CTNND2: variants seen among roughly 807,000 people sequenced by gnomAD.
CTNND2 encodes the protein catenin delta-2.
CTNND2 carries 22 observed loss-of-function variants against 144.4 expected under a neutral mutation model. The ratio of observed to expected loss-of-function variants is 0.15; its 90% CI spans 0.11 to 0.22. CTNND2 has a LOEUF of 0.22. Ranked by LOEUF, CTNND2 falls within the 10% of genes least tolerant of loss-of-function variation. The pLI, the probability that CTNND2 is intolerant of heterozygous loss-of-function variation, is 1.00. For missense variants in CTNND2, 1,353 were observed against 1,618.8 expected (o/e 0.84, Z 2.82); for synonymous variants, 751 against 695.6 (o/e 1.08, Z -1.25).
At chr5:11,016,059 T>C (rs1249147481) in intron 18 of CTNND2, among the ~76,000 whole-genome samples, 2 of 152,218 alleles carry the variant, frequency 1.3e-5, no homozygotes, top group African/African-American at 4.8e-5. Context: ...TCCACTAATA[T>C]GCAGATTTTT....
intron 1 of CTNND2, among the ~76,000 whole-genome samples, chr5:11,800,925 C>A (rs968028490): frequency 6.6e-6 from 1 of 152,264 alleles, no homozygotes; most frequent in African/African-American, 2.4e-5. Flanking sequence ...TGTTAAGTAG[C>A]AGTAACATGC....
intron 5 of CTNND2, among the ~76,000 whole-genome samples, chr5:11,404,195 GC>G (rs1404952389): frequency 6.6e-6 from 1 of 152,206 alleles, no homozygotes; most frequent in African/African-American, 2.4e-5. Context: ...GAATGGGAAA[GC>G]AAGTATCTCT....
In CTNND2 at chr5:11,131,770, T is replaced by C. The variant is rs376444312; in HGVS notation, c.2160-14203A>G. ...CACCATTGCACTCCAGCCTGGGCGA[T>C]AGAGCGAGACTGCGTCTCAAAAAAA... On this transcript the variant is annotated intron_variant, in intron 12 of 21. Transcript: ENST00000304623. 1.2e-4 allele frequency among the ~76,000 whole-genome samples: 19 copies of C among 152,008 alleles called. No individual in the cohort carries two copies. In the South Asian group the frequency reaches 2.3e-3, roughly 18 times the overall value.
At chr5:11,140,237 A>T (rs1254183843) in intron 12 of CTNND2, among the ~76,000 whole-genome samples, 2 of 152,208 alleles carry the variant, frequency 1.3e-5, no homozygotes, top group Non-Finnish European at 2.9e-5. Context: ...ACCCAAAGAA[A>T]ACATGACAAT....
intron 3 of CTNND2, among the ~76,000 whole-genome samples, chr5:11,509,510 G>T (rs1040966034): frequency 6.6e-6 from 1 of 152,120 alleles, no homozygotes; most frequent in South Asian, 2.1e-4. Flanking sequence ...GAAAGTAGGA[G>T]GGTTAAAGAG....
intron 3 of CTNND2, among the ~76,000 whole-genome samples, chr5:11,417,409 C>T (rs77628173): frequency 0.04 from 6,058 of 152,152 alleles, 403 homozygotes; most frequent in African/African-American, 0.14. Flanking sequence ...ATTTGCAAGG[C>T]ATATAACTTA....
intron 8 of CTNND2, among the ~76,000 whole-genome samples, chr5:11,350,115 T>C (rs1755177086): frequency 6.6e-6 from 1 of 152,046 alleles, no homozygotes; most frequent in African/African-American, 2.4e-5. Flanking sequence ...CCAGCTTGGG[T>C]GGCAGAGCAA....
chr5:11,903,901 G>T lies in CTNND2; in HGVS notation c.-48C>A. 1 of 1,398,590 alleles carries T rather than the reference G, an allele frequency of 7.2e-7. No homozygotes were observed. The highest frequency in any genetic ancestry group is 9.2e-7 in the Non-Finnish European group (1 of 1,083,540). 86.6% of individuals were successfully genotyped at this position (1,398,590 alleles called of 1,614,324 possible). ...CCTCAGTCCGGGAAGAGGCGTGCGC[G>T]GCGCCGCCCGGCTTCAGGGCAAGGT... On this transcript the variant is annotated 5_prime_UTR_variant, in exon 1 of 22. Transcript: ENST00000304623. This position sits in a 1 kb window ranked among gnomAD's most constrained non-coding sequence, Gnocchi z 5.4.
At chr5:11,449,377 G>A (rs753172738) in intron 3 of CTNND2, among the ~76,000 whole-genome samples, 5 of 152,180 alleles carry the variant, frequency 3.3e-5, no homozygotes, top group Admixed American at 1.3e-4. Flanking sequence ...TTGACAATAA[G>A]CACATGTGGC....
intron 3 of CTNND2, among the ~76,000 whole-genome samples, chr5:11,444,215 C>T (rs1159523219): frequency 1.3e-5 from 2 of 152,168 alleles, no homozygotes; most frequent in African/African-American, 4.8e-5. Flanking sequence ...TACTGGGCTG[C>T]TGGAGAACTG....
At position 11,376,078 on chromosome 5, in the gene CTNND2, T is replaced by A. The variant is rs1001866517; in HGVS notation, c.1177+8587A>T. ...GTGAGGACACAGCAAGAAGGGGCCA[T>A]CGATGAGCCGAAAAGTGGACCCTCA... On this transcript the variant is annotated intron_variant, in intron 7 of 21. Coordinates refer to ENST00000304623, the MANE Select transcript of CTNND2 (RefSeq NM_001332.4). Among the ~76,000 whole-genome samples the A allele has an allele frequency of 2.6e-5, 4 of 152,158 alleles. No individual in the cohort carries two copies. The East Asian group carries it at 7.7e-4, about 29-fold the overall frequency.
rs140727505 is a variant in CTNND2, at chr5:11,346,985, G to C, written c.1373-358C>G. Among the ~76,000 whole-genome samples, 50 of 152,286 alleles carry C rather than the reference G, an allele frequency of 3.3e-4. 1 individual carries two copies. In the East Asian group the frequency reaches 8.3e-3, roughly 25 times the overall value. ...TGGGAAGTTAATTCTTCATTTTCAA[G>C]TTGAGAAGATTCAGAATGTGTTCCG... On this transcript the variant is annotated intron_variant, in intron 8 of 21. Transcript: ENST00000304623.
intron 6 of CTNND2, among the ~76,000 whole-genome samples, chr5:11,392,015 C>T (rs1759670386): frequency 6.6e-6 from 1 of 152,218 alleles, no homozygotes; most frequent in Admixed American, 6.5e-5. Flanking sequence ...ACCACCCTCG[C>T]TGCTTTCTCT....
chr5:11,328,550 C>T (rs972335719), intron 9 of CTNND2, among the ~76,000 whole-genome samples: 8 of 152,102 alleles, frequency 5.3e-5, no homozygotes, highest in Admixed American at 1.3e-4. Context: ...GCAATCTGCC[C>T]TTCTTGGCCT....
chr5:11,886,975 CTTTTTTTTTTTTTT>C (rs36178842), intron 1 of CTNND2, among the ~76,000 whole-genome samples: 1 of 83,600 alleles, frequency 1.2e-5, no homozygotes, highest in South Asian at 4.3e-4. Context: ...TATCCTACTG[CTTTTTTTTTTTTTT>C]TTTTTTTTTT....
chr5:11,150,551 T>C (rs923627635), intron 12 of CTNND2, among the ~76,000 whole-genome samples: 3 of 150,532 alleles, frequency 2.0e-5, no homozygotes, highest in Non-Finnish European at 2.9e-5. Context: ...GCAGCACAGA[T>C]AGCATCCAGC....
chr5:11,300,546 C>G (rs1005599616), intron 9 of CTNND2, among the ~76,000 whole-genome samples: 2 of 152,084 alleles, frequency 1.3e-5, no homozygotes, highest in Non-Finnish European at 2.9e-5. Context: ...GAAGTCCTTC[C>G]CACCCTCCCC....
chr5:11,325,819 T>G (rs1425344005), intron 9 of CTNND2, among the ~76,000 whole-genome samples: 2 of 152,186 alleles, frequency 1.3e-5, no homozygotes, highest in East Asian at 3.8e-4. Flanking sequence ...TTCCCTTTTG[T>G]GCTTTTGACA....
intron 10 of CTNND2, among the ~76,000 whole-genome samples, chr5:11,208,579 T>G (rs908333067): frequency 7.9e-5 from 12 of 152,172 alleles, no homozygotes; most frequent in African/African-American, 2.9e-4. Context: ...CTAGAATTAG[T>G]AATAACAGGC....
Sources: allele counts gnomAD v4.1 joint callset (sites outside exome capture counted in the v4.1 genomes callset), GRCh38; gene constraint gnomAD v4.1.1; non-coding constraint Gnocchi (gnomAD v3.1); transcripts MANE v1.5; gene names NCBI Gene and HGNC (gene_info 2026-07-23, HGNC 2026-07-21).